Variants in UBA6 observed in about 807,000 individuals in gnomAD.
UBA6 encodes the protein ubiquitin like modifier activating enzyme 6, also known as ubiquitin-like modifier-activating enzyme 6.
A neutral mutation model predicts 148.3 loss-of-function variants in UBA6; 87 were observed. That is an observed-to-expected ratio of 0.59 (90% CI 0.49 to 0.70). UBA6 has a LOEUF of 0.70. Ranked by LOEUF, UBA6 falls within the 30% of genes least tolerant of loss-of-function variation. The probability of loss-of-function intolerance (pLI) is 0.00; values close to 1 mark genes in which losing one functional copy is unlikely to be tolerated. For synonymous variants in UBA6, 376 were observed against 401.0 expected, an observed-to-expected ratio of 0.94 and a Z score of 0.75; for missense variants, 1,186 against 1,241.2, an observed-to-expected ratio of 0.96 and a Z score of 0.67.
intron 3 of UBA6, among the ~76,000 whole-genome samples, chr4:67,681,836 T>C (rs1002203712): frequency 2.6e-5 from 4 of 152,212 alleles, no homozygotes; most frequent in Admixed American, 1.3e-4. Context: ...AGATATGTTT[T>C]TATGAATACA....
At chr4:67,681,068 C>T (rs955262639) in intron 4 of UBA6, among the ~76,000 whole-genome samples, 35 of 152,086 alleles carry the variant, frequency 2.3e-4, no homozygotes, top group African/African-American at 8.4e-4. Context: ...AGAGTCATGC[C>T]CGAATCCTGA....
chr4:67,662,894 A>G (rs891300464), intron 12 of UBA6: 7 of 336,136 alleles, frequency 2.1e-5, no homozygotes, highest in African/African-American at 1.5e-4. Context: ...TTTTGTTTTA[A>G]GAAGCTTTAA....
chr4:67,700,918 C>T, intron 1 of UBA6, 131 bp downstream of exon 1: 2 of 1,114,554 alleles, frequency 1.8e-6, no homozygotes, highest in Admixed American at 2.5e-5. Flanking sequence ...GCGCCCCTCG[C>T]CTCCCAGGGC....
chr4:67,634,310 A>G lies in UBA6; in HGVS notation c.1945T>C (p.Phe649Leu). Reference sequence around the variant, plus strand: ...TTAAACAATGAAGGTTTGTGGGAAAAGGAACTTTCAAACTGTAACAGAGAA... The same window carrying G: ...TTAAACAATGAAGGTTTGTGGGAAAGGGAACTTTCAAACTGTAACAGAGAA... ...QWARDKFESS[F>L]SHKPSLFNKF... The change falls in exon 22 of 33, where the codon TTT (phenylalanine) becomes CTT (leucine). Residue 649 changes from phenylalanine to leucine, a missense_variant. Coordinates refer to ENST00000322244, the MANE Select transcript of UBA6 (RefSeq NM_018227.6). 6.3e-7 allele frequency: 1 copy of G among 1,593,886 alleles called. No individual in the cohort carries two copies. The highest frequency in any genetic ancestry group is 2.2e-5 in the East Asian group (1 of 44,550).
chr4:67,634,647 A>G (rs1199173894), intron 20 of UBA6, 129 bp from the exon 21 acceptor site: 5 of 580,908 alleles, frequency 8.6e-6, no homozygotes, highest in African/African-American at 3.9e-5. Flanking sequence ...AGACATTTTT[A>G]TATCTTCTCT....
rs562123542 is a variant in UBA6, at chr4:67,685,059, A to G, written c.135-2846T>C. Among the ~76,000 whole-genome samples, 3 of 152,274 alleles carry G rather than the reference A, an allele frequency of 2.0e-5. No homozygotes were observed. The East Asian group carries it at 5.8e-4, about 29-fold the overall frequency. On this transcript the variant is annotated intron_variant, in intron 2 of 32. Transcript: ENST00000322244. Reference sequence around the variant, plus strand: ...ACAATGCATACAGATTAAGAAAGCCAAATCATTCCTCAAGGTTTATGAGAG... The same window carrying G: ...ACAATGCATACAGATTAAGAAAGCCGAATCATTCCTCAAGGTTTATGAGAG...
chr4:67,661,423 C>T (rs1560491491), intron 13 of UBA6, among the ~76,000 whole-genome samples: 1 of 152,146 alleles, frequency 6.6e-6, no homozygotes, highest in Non-Finnish European at 1.5e-5. Context: ...GGCAGTTCCC[C>T]TGCTTGTACT....
In UBA6 at chr4:67,616,178, A is replaced by C; in HGVS notation, c.*2819T>G. The C allele has an allele frequency of 2.5e-6, 1 of 396,806 alleles. No individual in the cohort carries two copies. The allele number at this position is 396,806 out of a possible 1,614,324, so 24.6% of individuals were successfully genotyped here. On this transcript the variant is annotated 3_prime_UTR_variant, in exon 33 of 33. Coordinates refer to ENST00000322244, the MANE Select transcript of UBA6 (RefSeq NM_018227.6). ...ACTCTGATTTTTTTTTTTTCAGAGA[A>C]AGCATTCAGATTATATGTTTTTGAA...
chr4:67,633,228 T>C, intron 23 of UBA6, 117 bp downstream of exon 23: 1 of 916,722 alleles, frequency 1.1e-6, no homozygotes, highest in Non-Finnish European at 1.5e-6. Flanking sequence ...TTACTACTAA[T>C]TTCTGAAAAG....
intron 2 of UBA6, among the ~76,000 whole-genome samples, chr4:67,685,143 C>A (rs1283259910): frequency 6.6e-6 from 1 of 152,134 alleles, no homozygotes; most frequent in African/African-American, 2.4e-5. Flanking sequence ...GATTCCCACT[C>A]CCCAAAGATA....
At chr4:67,632,289 G>A (rs1729016952) in intron 23 of UBA6, among the ~76,000 whole-genome samples, 1 of 127,894 alleles carries the variant, frequency 7.8e-6, no homozygotes, top group Non-Finnish European at 1.7e-5. Flanking sequence ...ACAGTACTTT[G>A]TATTTTTGAA....
intron 18 of UBA6, 149 bp from the exon 19 acceptor site, chr4:67,639,273 G>T: frequency 1.8e-6 from 1 of 555,398 alleles, no homozygotes; most frequent in Non-Finnish European, 3.0e-6. Flanking sequence ...TTTCATTTTT[G>T]GCTTGTAGAA....
chr4:67,692,260 G>GA (rs1392550730), intron 2 of UBA6, among the ~76,000 whole-genome samples: 1 of 152,140 alleles, frequency 6.6e-6, no homozygotes, highest in Non-Finnish European at 1.5e-5. Flanking sequence ...ACGCCATAAG[G>GA]AAAATCACTG....
At chr4:67,651,007 A>G (rs1285418904) in intron 13 of UBA6, among the ~76,000 whole-genome samples, 1 of 152,166 alleles carries the variant, frequency 6.6e-6, no homozygotes, top group African/African-American at 2.4e-5. Flanking sequence ...ATCCTAAGAG[A>G]AGAGAATACT....
chr4:67,637,076 C>T (rs112764005), intron 19 of UBA6, among the ~76,000 whole-genome samples: 34,780 of 149,716 alleles, frequency 0.23, 4,119 homozygotes, highest in Middle Eastern at 0.31. Context: ...CGTCTCTGCC[C>T]TGCCGCCCCG....
At chr4:67,668,745 AGC>A in intron 8 of UBA6, 71 bp from the exon 9 acceptor site, 3 of 1,417,040 alleles carry the variant, frequency 2.1e-6, no homozygotes, top group Admixed American at 2.4e-5. Flanking sequence ...TCAAATCTTA[AGC>A]AAAAATGACA....
At position 67,653,733 on chromosome 4, in the gene UBA6, T is replaced by G. The variant is rs544967338; in HGVS notation, c.1105-4522A>C. Among the ~76,000 whole-genome samples the G allele has an allele frequency of 2.0e-5, 3 of 152,276 alleles. No individual in the cohort carries two copies. The South Asian group carries it at 6.2e-4, about 32-fold the overall frequency. ...CTTCAGAAGGTTGGTAATAACAAACTTCTCCGAGCTAAAGGAGCATGTTCT... is the reference window on the plus strand; with the variant it reads ...CTTCAGAAGGTTGGTAATAACAAACGTCTCCGAGCTAAAGGAGCATGTTCT... On this transcript the variant is annotated intron_variant, in intron 13 of 32. Transcript: ENST00000322244.
chr4:67,658,719 T>C (rs1353962270), intron 13 of UBA6, among the ~76,000 whole-genome samples: 1 of 152,040 alleles, frequency 6.6e-6, no homozygotes, highest in African/African-American at 2.4e-5. Flanking sequence ...TGTAACAAAA[T>C]GGATAAAACT....
intron 4 of UBA6, among the ~76,000 whole-genome samples, chr4:67,679,693 A>G (rs1425190504): frequency 6.6e-6 from 1 of 152,180 alleles, no homozygotes; most frequent in Non-Finnish European, 1.5e-5. Context: ...TTAGAAACCA[A>G]AATCCTAATA....
Sources: gnomAD v4.1 joint callset for allele counts (sites outside exome capture counted in the v4.1 genomes callset) on GRCh38, gnomAD v4.1.1 for gene constraint, MANE v1.5 for transcripts, NCBI Gene and HGNC (gene_info 2026-07-23, HGNC 2026-07-21) for gene names.